Variants in SEMA5A observed in about 807,000 individuals in gnomAD.
SEMA5A encodes the protein semaphorin-5A.
Under a neutral mutation model 135.5 loss-of-function variants are expected in SEMA5A, and 55 were observed. The observed-to-expected ratio is 0.41, with a 90% confidence interval of 0.33 to 0.51. The LOEUF (loss-of-function observed/expected upper bound fraction) is 0.51, where lower values mean the gene tolerates loss of function less well. Among genes scored for constraint, SEMA5A ranks in the 20% least tolerant of loss-of-function variants. SEMA5A has a pLI of 0.37. For missense variants in SEMA5A, 1,290 were observed against 1,419.9 expected (o/e 0.91, Z 1.47); for synonymous variants, 580 against 546.5 (o/e 1.06, Z -0.85).
chr5:9,160,489 A>T (rs919396473), intron 11 of SEMA5A, among the ~76,000 whole-genome samples: 1 of 152,198 alleles, frequency 6.6e-6, no homozygotes, highest in Admixed American at 6.5e-5. Flanking sequence ...AATAAGATAA[A>T]AGGATGATTT....
At chr5:9,459,579 G>A (rs1168562898) in intron 1 of SEMA5A, among the ~76,000 whole-genome samples, 1 of 152,180 alleles carries the variant, frequency 6.6e-6, no homozygotes, top group Non-Finnish European at 1.5e-5. Context: ...GCATTCAGAT[G>A]AGATCCAAGC....
intron 1 of SEMA5A, among the ~76,000 whole-genome samples, chr5:9,538,037 G>A (rs1378952825): frequency 1.3e-5 from 2 of 152,170 alleles, no homozygotes; most frequent in African/African-American, 4.8e-5. Context: ...CCTGTGGCAG[G>A]AGGCAGAGAG....
chr5:9,150,474 C>CT (rs1742573181), intron 12 of SEMA5A, among the ~76,000 whole-genome samples: 1 of 151,852 alleles, frequency 6.6e-6, no homozygotes, highest in African/African-American at 2.4e-5. Flanking sequence ...AATGGCTGTG[C>CT]TAAAAAAAAA....
At chr5:9,114,311 G>C (rs1179265593) in intron 15 of SEMA5A, among the ~76,000 whole-genome samples, 2 of 152,164 alleles carry the variant, frequency 1.3e-5, no homozygotes, top group Non-Finnish European at 2.9e-5. Flanking sequence ...GGTGGAATAA[G>C]GAATAGTTAT....
At chr5:9,276,185 AC>A (rs555377542) in intron 5 of SEMA5A, among the ~76,000 whole-genome samples, 106 of 152,350 alleles carry the variant, frequency 7.0e-4, no homozygotes, top group Non-Finnish European at 1.1e-3. Context: ...ACAGAGAGCC[AC>A]ATCATGAGTG....
rs1214516553 is a variant in SEMA5A, at chr5:9,384,661, T to TAG, written c.-77-4639_-77-4638insCT. Among the ~76,000 whole-genome samples, 43 of 66,490 alleles carry TAG rather than the reference T, an allele frequency of 6.5e-4. 2 individuals carry two copies. The highest frequency in any genetic ancestry group is 1.2e-3 in the African/African-American group (21 of 17,496). The allele number at this position is 66,490 out of a possible 152,430, so 43.6% of individuals were successfully genotyped here. A position where few individuals can be genotyped will look rare whatever the true frequency, so the allele number is the denominator to read the frequency against. On this transcript the variant is annotated intron_variant, in intron 2 of 22. Transcript: ENST00000382496. ...ATAGATAGATAGATAGATAGATAGA[T>TAG]ATAGATAGATAGATATAGATAGATA...
chr5:9,265,562 T>C, intron 5 of SEMA5A: 2 of 456,302 alleles, frequency 4.4e-6, no homozygotes, highest in South Asian at 1.5e-5. Context: ...ATGTGACTCA[T>C]AAACTGCTGC....
chr5:9,489,952 A>G (rs910774106), intron 1 of SEMA5A, among the ~76,000 whole-genome samples: 4 of 152,142 alleles, frequency 2.6e-5, no homozygotes, highest in Non-Finnish European at 5.9e-5. Flanking sequence ...TCTTCTTGCT[A>G]TGTGATTTTG....
chr5:9,402,180 C>T (rs781305592), intron 2 of SEMA5A, among the ~76,000 whole-genome samples: 30 of 152,184 alleles, frequency 2.0e-4, no homozygotes, highest in Non-Finnish European at 4.0e-4. Context: ...ATGCAAGTCA[C>T]GGCCAGGGAC....
At chr5:9,269,317 T>C (rs560562542) in intron 5 of SEMA5A, among the ~76,000 whole-genome samples, 1 of 152,200 alleles carries the variant, frequency 6.6e-6, no homozygotes, top group East Asian at 1.9e-4. Context: ...ATGGAAGCAG[T>C]AGAAATAGAT....
intron 1 of SEMA5A, among the ~76,000 whole-genome samples, chr5:9,451,987 C>T (rs371414019): frequency 6.6e-6 from 1 of 152,200 alleles, no homozygotes; most frequent in Non-Finnish European, 1.5e-5. Context: ...AATTGAAAGG[C>T]GTTAGCCCTA....
chr5:9,157,742 C>A (rs775855239), intron 11 of SEMA5A, among the ~76,000 whole-genome samples: 4 of 152,184 alleles, frequency 2.6e-5, no homozygotes, highest in Admixed American at 2.0e-4. Context: ...TTGTGGCATA[C>A]CCTGGACATG....
At chr5:9,480,302 A>G (rs1759827397) in intron 1 of SEMA5A, among the ~76,000 whole-genome samples, 2 of 152,206 alleles carry the variant, frequency 1.3e-5, no homozygotes, top group African/African-American at 4.8e-5. Context: ...ATGTCCCTGA[A>G]TCCAAAGCTG....
chr5:9,084,835 CA>C (rs113353562), intron 16 of SEMA5A, among the ~76,000 whole-genome samples: 2 of 151,890 alleles, frequency 1.3e-5, no homozygotes, highest in South Asian at 2.1e-4. Context: ...GCTCAGAAGA[CA>C]AAAAAATGTG....
intron 2 of SEMA5A, among the ~76,000 whole-genome samples, chr5:9,382,917 T>A (rs1755678886): frequency 6.6e-6 from 1 of 152,174 alleles, no homozygotes; most frequent in African/African-American, 2.4e-5. Flanking sequence ...ACATTCAGGT[T>A]GGGCAGAGAA....
chr5:9,304,251 C>A (rs1214558204), intron 5 of SEMA5A, among the ~76,000 whole-genome samples: 1 of 152,032 alleles, frequency 6.6e-6, no homozygotes, highest in Non-Finnish European at 1.5e-5. Context: ...ATAATTAACA[C>A]TTTCTCTTTG....
intron 1 of SEMA5A, among the ~76,000 whole-genome samples, chr5:9,496,296 C>A (rs572800659): frequency 9.2e-5 from 14 of 152,168 alleles, no homozygotes; most frequent in Admixed American, 1.3e-4. Flanking sequence ...CTGTCCACCT[C>A]GGCCTCCCAA....
intron 5 of SEMA5A, among the ~76,000 whole-genome samples, chr5:9,275,524 A>AT (rs1295832815): frequency 1.3e-5 from 2 of 152,134 alleles, no homozygotes; most frequent in African/African-American, 4.8e-5. Flanking sequence ...CAGAGACACA[A>AT]TAAAAAAAAA....
chr5:9,417,005 C>A (rs1757305124), intron 2 of SEMA5A, among the ~76,000 whole-genome samples: 1 of 152,218 alleles, frequency 6.6e-6, no homozygotes, highest in African/African-American at 2.4e-5. Flanking sequence ...GAATCTCTTA[C>A]CACTGAAATG....
Sources: allele counts gnomAD v4.1 joint callset (sites outside exome capture counted in the v4.1 genomes callset), GRCh38; gene constraint gnomAD v4.1.1; transcripts MANE v1.5; gene names NCBI Gene and HGNC (gene_info 2026-07-23, HGNC 2026-07-21).